The following INF2 variants were observed in gnomAD, a reference collection of about 807,000 sequenced individuals.
INF2 encodes the protein inverted formin-2.
INF2 carries 43 observed loss-of-function variants against 123.5 expected under a neutral mutation model. The observed-to-expected ratio is 0.35, with a 90% CI of 0.27 to 0.45. The LOEUF (loss-of-function observed/expected upper bound fraction) is 0.45. INF2 is among the 20% of genes least tolerant of loss of function. The pLI is 1.00. For missense variants in INF2, 1,453 were observed against 1,682.7 expected, an observed-to-expected ratio of 0.86 and a Z score of 2.39; for synonymous variants, 851 against 745.0, an observed-to-expected ratio of 1.14 and a Z score of -2.32.
chr14:104,714,992 A>G (rs1211592248), intron 21 of INF2, 136 bp downstream of exon 21: 1 of 968,506 alleles, frequency 1.0e-6, no homozygotes, highest in Non-Finnish European at 1.5e-6. Flanking sequence ...ACGGGAGAGG[A>G]GGCGGCAGTG....
At chr14:104,717,885 C>T (rs1294977613) in intron 22 of INF2, among the ~76,000 whole-genome samples, 2 of 152,254 alleles carry the variant, frequency 1.3e-5, no homozygotes, top group African/African-American at 4.8e-5. Context: ...CCCCCCTCCC[C>T]TCCCTTTTTC....
chr14:104,687,659 G>A (rs539488166), upstream of INF2, among the ~76,000 whole-genome samples: 11 of 152,260 alleles, frequency 7.2e-5, no homozygotes, highest in East Asian at 5.8e-4. The surrounding 1 kb of genome is among the most constrained non-coding windows in gnomAD (Gnocchi z 5.6). Context: ...TCGGAAGCAC[G>A]ACTGGGTGCA....
At chr14:104,709,937 G>T (rs577606419) in intron 12 of INF2, 151 bp from the exon 13 acceptor site, 1 of 768,128 alleles carries the variant, frequency 1.3e-6, no homozygotes, top group Non-Finnish European at 2.2e-6. Context: ...CCTGCTCTGC[G>T]CAGGCCCGGG....
At position 104,718,817 on chromosome 14, in the gene INF2, C is replaced by G. The variant is rs772323906; in HGVS notation, c.*24C>G. The G allele has an allele frequency of 6.2e-7, 1 of 1,612,920 alleles. No individual in the cohort carries two copies. On this transcript the variant is annotated 3_prime_UTR_variant, in exon 23 of 23. Coordinates refer to ENST00000392634, the MANE Select transcript of INF2 (RefSeq NM_022489.4). ...CAGGCCTCAGGCCCAGGCCCAAGGC[C>G]AAGTGAGAGAGCCCAGGCCACAGGA... is the stretch of plus-strand genomic sequence containing the variant.
At chr14:104,712,122 C>T (rs988197585) in intron 16 of INF2, among the ~76,000 whole-genome samples, 9 of 152,088 alleles carry the variant, frequency 5.9e-5, no homozygotes, top group Non-Finnish European at 1.0e-4. Context: ...CTACACAGTC[C>T]GGGCCCCTAG....
intron 22 of INF2, chr14:104,715,862 A>T: frequency 2.2e-6 from 1 of 457,930 alleles, no homozygotes; most frequent in Non-Finnish European, 4.4e-6. Flanking sequence ...GGACAGTCGC[A>T]AGGGCAGATG....
At chr14:104,706,788 C>A in intron 6 of INF2, 122 bp from the exon 7 acceptor site, 2 of 1,129,318 alleles carry the variant, frequency 1.8e-6, no homozygotes. Flanking sequence ...AAACTCTCAT[C>A]TCTAGGGATC....
chr14:104,708,312 C>T, intron 8 of INF2, 124 bp from the exon 9 acceptor site: 2 of 1,278,636 alleles, frequency 1.6e-6, no homozygotes, highest in African/African-American at 1.5e-5. Flanking sequence ...GTACGCTGGA[C>T]CTGGACCTAC....
upstream of INF2, chr14:104,689,562 T>C: frequency 1.1e-6 from 1 of 889,994 alleles, no homozygotes; most frequent in Non-Finnish European, 1.3e-6. Flanking sequence ...ACGTGGCCGC[T>C]GACGGGCGGG....
In INF2 at chr14:104,707,879, A is replaced by G. The variant is rs377402690; in HGVS notation, c.1612A>G (p.Ile538Val). Residue 538 changes from isoleucine to valine, a missense_variant, in exon 8 of 23, where the codon ATC becomes GTC. Transcript: ENST00000392634. ...PPVAGGMEEVIVAQVDHGLGS... is the reference protein window; with the variant it reads ...PPVAGGMEEVVVAQVDHGLGS... ...CGTGGCGGGAGGCATGGAGGAGGTC[A>G]TCGTGGCCCAGGTGGACCATGGCTT... is the stretch of plus-strand genomic sequence containing the variant. 3 of 1,605,320 alleles carry G rather than the reference A, an allele frequency of 1.9e-6. No homozygotes were observed. The highest frequency in any genetic ancestry group is 2.5e-6 in the Non-Finnish European group (3 of 1,179,330).
At chr14:104,706,783 C>G in intron 6 of INF2, 127 bp from the exon 7 acceptor site, 1 of 1,084,358 alleles carries the variant, frequency 9.2e-7, no homozygotes, top group Non-Finnish European at 1.3e-6. Flanking sequence ...CGCTGAAACT[C>G]TCATCTCTAG....
At chr14:104,704,319 A>C in intron 5 of INF2, 1 of 525,906 alleles carries the variant, frequency 1.9e-6, no homozygotes, top group Non-Finnish European at 3.0e-6. Flanking sequence ...CAAGATGGAG[A>C]CAGGGACACG....
In INF2 at chr14:104,717,316, G is replaced by A. The variant is rs1220307179; in HGVS notation, c.*2-1479G>A. 3.2e-5 allele frequency among the ~76,000 whole-genome samples: 4 copies of A among 125,206 alleles called. No homozygotes were observed. In the East Asian group the frequency reaches 7.2e-4, roughly 23 times the overall value. The allele number at this position is 125,206 out of a possible 152,430, so 82.1% of individuals were successfully genotyped here. A position where few individuals can be genotyped will look rare whatever the true frequency, so the allele number is the denominator to read the frequency against. On this transcript the variant is annotated intron_variant, in intron 22 of 22. Coordinates refer to ENST00000392634, the MANE Select transcript of INF2 (RefSeq NM_022489.4). ...CCAGTCCCCCCCCCGGGCAGGGCGCGCTGCCGTCCTCCTAGTCCGCCCCCC... is the reference window on the plus strand; with the variant it reads ...CCAGTCCCCCCCCCGGGCAGGGCGCACTGCCGTCCTCCTAGTCCGCCCCCC...
Position 104,706,048 on chromosome 14 carries a change from G to A in INF2, c.715G>A (p.Ala239Thr), listed in dbSNP as rs767815499. 6.8e-6 allele frequency: 11 copies of A among 1,612,184 alleles called. No individual in the cohort carries two copies. The highest frequency in any genetic ancestry group is 2.2e-5 in the East Asian group (1 of 44,886). Residue 239 changes from alanine to threonine, a missense_variant, in exon 6 of 23, where the codon GCC becomes ACC. Transcript: ENST00000392634. ...VLARLRDLED[A>T]DLLIQLEAFE... ...CCTCCTGCACAGAGACCTGGAGGAT[G>A]CCGACCTGCTGATCCAGCTGGAGGC... is the stretch of plus-strand genomic sequence containing the variant.
chr14:104,692,386 G>A (rs553373757), intron 1 of INF2, among the ~76,000 whole-genome samples: 9 of 152,292 alleles, frequency 5.9e-5, no homozygotes, highest in Admixed American at 2.6e-4. Flanking sequence ...GCCCAGCCCC[G>A]CTCAGCACGG....
rs781259758 is a variant in INF2, at chr14:104,718,790, T to C, written c.*2-5T>C. 4.3e-6 allele frequency: 7 copies of C among 1,613,124 alleles called. No individual in the cohort carries two copies. In the Middle Eastern group the frequency reaches 5.0e-4, roughly 115 times the overall value. ...TAATAATGTCATTTTTTCTCTCTCT[T>C]ACAGGCCTCAGGCCCAGGCCCAAGG... On this transcript the variant is annotated splice_region_variant and splice_polypyrimidine_tract_variant and intron_variant, in intron 22 of 22. Coordinates refer to ENST00000392634, the MANE Select transcript of INF2 (RefSeq NM_022489.4).
At chr14:104,687,910 AGCACCGCTGCCAG>A (rs1191171130), upstream of INF2, among the ~76,000 whole-genome samples, 3 of 152,222 alleles carry the variant, frequency 2.0e-5, no homozygotes, top group African/African-American at 7.2e-5. The surrounding 1 kb of genome is among the most constrained non-coding windows in gnomAD (Gnocchi z 5.6). Flanking sequence ...CCCACTGCCC[AGCACCGCTGCCAG>A]GCATCAGCTC....
upstream of INF2, chr14:104,689,587 T>TGCAACCC: frequency 9.4e-6 from 8 of 851,060 alleles, no homozygotes; most frequent in Non-Finnish European, 9.8e-6. Flanking sequence ...CACCTCCTCT[T>TGCAACCC]CCTCCCGCCC....
chr14:104,700,683 A>T (rs11847667), intron 1 of INF2, among the ~76,000 whole-genome samples: 26,980 of 151,994 alleles, frequency 0.18, 3,863 homozygotes, highest in African/African-American at 0.4. Context: ...CCAGGGCTGG[A>T]GTCAGACCTG....
Sources: allele counts gnomAD v4.1 joint callset (sites outside exome capture counted in the v4.1 genomes callset), GRCh38; gene constraint gnomAD v4.1.1; non-coding constraint Gnocchi (gnomAD v3.1); transcripts MANE v1.5; gene names NCBI Gene and HGNC (gene_info 2026-07-23, HGNC 2026-07-21).